The following TAFA5 variants were observed in gnomAD, a reference collection of about 807,000 sequenced individuals.
TAFA5 encodes the protein TAFA chemokine like family member 5, also known as chemokine-like protein TAFA-5.
A neutral mutation model predicts 15.3 loss-of-function variants in TAFA5; 6 were observed. The observed-to-expected ratio is 0.39, with a 90% CI of 0.21 to 0.77. The LOEUF (loss-of-function observed/expected upper bound fraction) is 0.77. TAFA5 is among the 30% of genes least tolerant of loss of function. The probability of loss-of-function intolerance (pLI) is 0.41; values close to 1 mark genes in which losing one functional copy is unlikely to be tolerated. For synonymous variants in TAFA5, 103 were observed against 80.7 expected, an observed-to-expected ratio of 1.28 and a Z score of -1.48; for missense variants, 161 against 193.1, an observed-to-expected ratio of 0.83 and a Z score of 0.98.
intron 2 of TAFA5, among the ~76,000 whole-genome samples, chr22:48,700,803 G>A (rs893898370): frequency 6.6e-6 from 1 of 152,160 alleles, no homozygotes; most frequent in Admixed American, 6.5e-5. Flanking sequence ...TCAGATGTTC[G>A]ATCCTGTTAT....
chr22:48,554,081 G>T (rs1922948629), intron 1 of TAFA5, among the ~76,000 whole-genome samples: 1 of 152,242 alleles, frequency 6.6e-6, no homozygotes, highest in Admixed American at 6.5e-5. Flanking sequence ...CCGCTCAGAA[G>T]AGCTCAGCTC....
intron 2 of TAFA5, among the ~76,000 whole-genome samples, chr22:48,653,832 G>A (rs1927140919): frequency 6.6e-6 from 1 of 152,112 alleles, no homozygotes; most frequent in African/African-American, 2.4e-5. Flanking sequence ...GTGAAGGAGA[G>A]GAGACCCCAG....
At chr22:48,510,866 C>A (rs8142739) in intron 1 of TAFA5, among the ~76,000 whole-genome samples, 73,340 of 152,204 alleles carry the variant, frequency 0.48, 18,692 homozygotes, top group Middle Eastern at 0.58. Context: ...ATTTGATAGA[C>A]TTCCTTCCCA....
chr22:48,596,097 G>A (rs1322741850), intron 1 of TAFA5, among the ~76,000 whole-genome samples: 3 of 152,222 alleles, frequency 2.0e-5, no homozygotes, highest in African/African-American at 7.2e-5. Context: ...AAGGAGCGTA[G>A]GAATTTCAAA....
At position 48,634,225 on chromosome 22, in the gene TAFA5, TATTCACTC is replaced by T. The variant is rs536949639; in HGVS notation, c.113-12362_113-12355del. On this transcript the variant is annotated intron_variant, in intron 1 of 3. Transcript: ENST00000402357. ...TCACTCACTCATTGACTAACTCACTTATTCACTCATTCACTCACTTATTCAATCATTTA... is the reference window on the plus strand; with the variant it reads ...TCACTCACTCATTGACTAACTCACTTATTCACTCACTTATTCAATCATTTA... 9.9e-4 allele frequency among the ~76,000 whole-genome samples: 151 copies of T among 151,982 alleles called. 3 individuals carry two copies. The East Asian group carries it at 0.024, about 24-fold the overall frequency.
intron 1 of TAFA5, among the ~76,000 whole-genome samples, chr22:48,577,326 C>T (rs868240039): frequency 6.6e-5 from 10 of 152,196 alleles, no homozygotes; most frequent in African/African-American, 2.4e-4. Context: ...GCACCCCAGA[C>T]ACACTCCTGG....
chr22:48,691,878 A>G (rs957842169), intron 2 of TAFA5, among the ~76,000 whole-genome samples: 2 of 152,042 alleles, frequency 1.3e-5, no homozygotes, highest in Non-Finnish European at 2.9e-5. Flanking sequence ...TTGGCTCCCA[A>G]CTGCTTCCAG....
intron 1 of TAFA5, among the ~76,000 whole-genome samples, chr22:48,522,278 T>C (rs749315291): frequency 1.3e-5 from 2 of 151,568 alleles, no homozygotes; most frequent in African/African-American, 4.8e-5. Context: ...GCCTTGTATC[T>C]GTAGGTGGGA....
chr22:48,638,799 C>T (rs982159890), intron 1 of TAFA5, among the ~76,000 whole-genome samples: 4 of 141,516 alleles, frequency 2.8e-5, no homozygotes, highest in East Asian at 2.1e-4. Context: ...CCTGGGTCAC[C>T]GCACACAGGG....
chr22:48,596,999 G>A (rs901247589), intron 1 of TAFA5, among the ~76,000 whole-genome samples: 3 of 152,082 alleles, frequency 2.0e-5, no homozygotes, highest in Admixed American at 6.5e-5. Context: ...AGAGATGAAG[G>A]TCTCGCTGCG....
intron 3 of TAFA5, among the ~76,000 whole-genome samples, chr22:48,743,260 G>A (rs1049576992): frequency 1.3e-5 from 2 of 152,112 alleles, no homozygotes; most frequent in African/African-American, 2.4e-5. Flanking sequence ...GTGTCTGCTG[G>A]GCCGTGCTCC....
intron 1 of TAFA5, among the ~76,000 whole-genome samples, chr22:48,642,816 TGTGTG>T (rs887708910): frequency 2.0e-5 from 3 of 152,004 alleles, no homozygotes; most frequent in Non-Finnish European, 2.9e-5. Context: ...TGTGTGCACG[TGTGTG>T]GTGTGTGTGC....
chr22:48,711,624 G>A (rs1040887674), intron 3 of TAFA5, among the ~76,000 whole-genome samples: 9 of 152,188 alleles, frequency 5.9e-5, no homozygotes, highest in African/African-American at 1.4e-4. Context: ...GTAAATTAGC[G>A]CTACATGAGA....
At chr22:48,655,430 G>A (rs1927200688) in intron 2 of TAFA5, among the ~76,000 whole-genome samples, 1 of 152,200 alleles carries the variant, frequency 6.6e-6, no homozygotes, top group South Asian at 2.1e-4. Flanking sequence ...CAAAATCAAG[G>A]CACTAGCGTG....
chr22:48,504,199 G>T (rs1264791762), intron 1 of TAFA5, among the ~76,000 whole-genome samples: 1 of 152,200 alleles, frequency 6.6e-6, no homozygotes, highest in South Asian at 2.1e-4. Context: ...AGTGGGCCAG[G>T]CCACCTTATC....
chr22:48,592,492 C>T (rs1569038907), intron 1 of TAFA5, among the ~76,000 whole-genome samples: 2 of 152,224 alleles, frequency 1.3e-5, no homozygotes, highest in South Asian at 4.1e-4. Flanking sequence ...TCATGCCCAG[C>T]CCTGGGTCCA....
intron 1 of TAFA5, among the ~76,000 whole-genome samples, chr22:48,561,900 C>G (rs895758272): frequency 3.3e-5 from 5 of 152,236 alleles, no homozygotes; most frequent in African/African-American, 1.2e-4. Flanking sequence ...AGAGTCCTTT[C>G]TGTCCTGGGA....
intron 2 of TAFA5, among the ~76,000 whole-genome samples, chr22:48,652,543 A>T (rs1229460821): frequency 1.3e-5 from 2 of 152,226 alleles, no homozygotes; most frequent in Non-Finnish European, 2.9e-5. Flanking sequence ...CACCCTTGGC[A>T]GCCTGGCACC....
intron 2 of TAFA5, among the ~76,000 whole-genome samples, chr22:48,692,390 A>C (rs1301967615): frequency 6.6e-6 from 1 of 152,192 alleles, no homozygotes; most frequent in East Asian, 1.9e-4. Flanking sequence ...TGGGACCATT[A>C]GAGGCAATTT....
Sources: allele counts gnomAD v4.1 joint callset (sites outside exome capture counted in the v4.1 genomes callset), GRCh38; gene constraint gnomAD v4.1.1; transcripts MANE v1.5; gene names NCBI Gene and HGNC (gene_info 2026-07-23, HGNC 2026-07-21).